Variants in UBR4 observed in about 807,000 individuals in gnomAD.
UBR4 encodes E3 ubiquitin-protein ligase UBR4.
Under a neutral mutation model 575.6 loss-of-function variants are expected in UBR4, and 124 were observed. The ratio of observed to expected loss-of-function variants is 0.22; its 90% CI spans 0.19 to 0.25. UBR4 has a LOEUF of 0.25. UBR4 is among the 10% of genes least tolerant of loss of function. UBR4 has a pLI of 1.00. For synonymous variants in UBR4, 2,455 were observed against 2,473.7 expected, an observed-to-expected ratio of 0.99 and a Z score of 0.22; for missense variants, 4,818 against 6,478.8, an observed-to-expected ratio of 0.74 and a Z score of 8.80.
rs146479411 is a variant in UBR4 at position 19,196,626 on chromosome 1, A to G, written c.1018+515T>C. Among the ~76,000 whole-genome samples, 114 of 152,360 alleles carry G rather than the reference A, an allele frequency of 7.5e-4. 2 individuals carry two copies. The East Asian group carries it at 0.018, about 24-fold the overall frequency. On this transcript the variant is annotated intron_variant, in intron 8 of 105. Coordinates refer to ENST00000375254, the MANE Select transcript of UBR4 (RefSeq NM_020765.3). ...AAGGGGATTTTATGGAAGCTTAAAG[A>G]ATATCATTCTTCGCATTTATCAGTA...
At position 19,076,779 on chromosome 1, in the gene UBR4, T is replaced by C. The variant is rs2075986282; in HGVS notation, c.15448A>G (p.Met5150Val). The change falls in exon 105 of 106, where the codon ATG (methionine) becomes GTG (valine). Residue 5150 changes from methionine (M) to valine (V), a missense_variant. Physicochemically the swap from Met to Val is conservative, Grantham distance 21 (BLOSUM62 1). Coordinates refer to ENST00000375254, the MANE Select transcript of UBR4 (RefSeq NM_020765.3). ...AACTCTGAGAAGGTCTCCACTGGCATGAACTCCTCCTGGAAGGTTTTCAGG... is the reference window on the plus strand; with the variant it reads ...AACTCTGAGAAGGTCTCCACTGGCACGAACTCCTCCTGGAAGGTTTTCAGG... ...KALKTFQEEF[M>V]PVETFSEFLD... 47 of 1,614,132 alleles carry C rather than the reference T, an allele frequency of 2.9e-5. No homozygotes were observed. Among genetic ancestry groups the C allele is most frequent in the Non-Finnish European group, 3.7e-5 (44 of 1,180,018 alleles).
chr1:19,111,030 C>T (rs542023940), intron 78 of UBR4, among the ~76,000 whole-genome samples, 198 bp from the exon 79 acceptor site: 3 of 152,282 alleles, frequency 2.0e-5, no homozygotes, highest in South Asian at 2.1e-4. Flanking sequence ...CCATTACAGC[C>T]GCCTTGCCTA....
intron 91 of UBR4, among the ~76,000 whole-genome samples, chr1:19,096,916 G>C (rs1399697522): frequency 6.6e-6 from 1 of 152,040 alleles, no homozygotes; most frequent in Non-Finnish European, 1.5e-5. Context: ...ATGGAGTGGG[G>C]GGAGAGGGAG....
chr1:19,139,277 C>CAAAA lies in UBR4; in HGVS notation c.8594-61_8594-58dup. On this transcript the variant is annotated intron_variant, in intron 58 of 105. Transcript: ENST00000375254. This position sits in a 1 kb window ranked among gnomAD's most constrained non-coding sequence, Gnocchi z 4.2. ...AAAAACAAACAAACAAACAAACAAACAAAAAACAAAAAAAACCCCTCCTTG... is the reference window on the plus strand; with the variant it reads ...AAAAACAAACAAACAAACAAACAAACAAAAAAAAAACAAAAAAAACCCCTCCTTG... 2.0e-6 allele frequency: 3 copies of CAAAA among 1,520,050 alleles called. No homozygotes were observed. The highest frequency in any genetic ancestry group is 2.1e-5 in the Admixed American group (1 of 47,800). 94.2% of individuals were successfully genotyped at this position (1,520,050 alleles called of 1,614,324 possible).
chr1:19,104,945 T>G, intron 85 of UBR4, 103 bp downstream of exon 85: 2 of 1,499,532 alleles, frequency 1.3e-6, no homozygotes, highest in South Asian at 2.7e-5. Flanking sequence ...AACAAATATT[T>G]CTTCTCAGCA....
chr1:19,166,698 C>CA (rs1276842721), intron 29 of UBR4, among the ~76,000 whole-genome samples: 1 of 107,930 alleles, frequency 9.3e-6, no homozygotes, highest in Non-Finnish European at 1.7e-5. Context: ...CACAACATGG[C>CA]AAACTCCATC....
chr1:19,176,771 C>T (rs1455181377), intron 19 of UBR4, 44 bp from the exon 20 acceptor site: 1 of 1,600,624 alleles, frequency 6.2e-7, no homozygotes, highest in African/African-American at 1.3e-5. Flanking sequence ...TACACAGTCA[C>T]CATTCAGCTT....
At position 19,153,856 on chromosome 1, in the gene UBR4, T is replaced by C; in HGVS notation, c.6542A>G (p.Gln2181Arg). ...TACCAGCGGCACCCCTGTAGTTTGC[T>C]GGACACAGCACACCAAGCCAGGGTG... ...MNHPGLVCCV[Q>R]QTTGVPLVVM... The change falls in exon 45 of 106, where the codon CAG becomes CGG. Residue 2181 changes from glutamine (Q) to arginine (R), a missense_variant. Around this residue, in one of 29 missense-constraint regions of UBR4, gnomAD observed 461 missense variants for 606.9 expected, o/e 0.76. Transcript: ENST00000375254. This position sits in a 1 kb window ranked among gnomAD's most constrained non-coding sequence, Gnocchi z 4.1. 1.2e-6 allele frequency: 2 copies of C among 1,614,210 alleles called. No individual in the cohort carries two copies. The highest frequency in any genetic ancestry group is 1.7e-6 in the Non-Finnish European group (2 of 1,180,010).
chr1:19,201,765 G>C lies in UBR4; in HGVS notation c.227C>G (p.Ser76Cys). Reference sequence around the variant, plus strand: ...ATAGTGTGTGGAAAGTGCAACAAAAGATGAGTAGAATGGCTCGTACTGCTT... The same window carrying C: ...ATAGTGTGTGGAAAGTGCAACAAAACATGAGTAGAATGGCTCGTACTGCTT... ...HEKQYEPFYSSFVALSTHYIT... is the reference protein window; with the variant it reads ...HEKQYEPFYSCFVALSTHYIT... The change falls in exon 2 of 106, where the codon TCT becomes TGT. Residue 76 changes from serine (S) to cysteine (C), a missense_variant. Transcript: ENST00000375254. The C allele has an allele frequency of 6.2e-7, 1 of 1,614,138 alleles. No individual in the cohort carries two copies. The highest frequency in any genetic ancestry group is 8.5e-7 in the Non-Finnish European group (1 of 1,179,992).
chr1:19,084,775 T>G, intron 101 of UBR4, 77 bp from the exon 102 acceptor site: 3 of 1,394,718 alleles, frequency 2.2e-6, no homozygotes, highest in Non-Finnish European at 3.0e-6. Flanking sequence ...AGAGCCTCCT[T>G]CCAGTACTCC....
chr1:19,124,521 A>C lies in UBR4; in HGVS notation c.9588+20T>G. The C allele has an allele frequency of 6.2e-7, 1 of 1,613,432 alleles. No individual in the cohort carries two copies. The highest frequency in any genetic ancestry group is 8.5e-7 in the Non-Finnish European group (1 of 1,179,524). ...TGTGTCCTCAGCCCAACAAGCATGC[A>C]GCTTGGGACTTTCACTTACCTCGGA... is the stretch of plus-strand genomic sequence containing the variant. On this transcript the variant is annotated intron_variant, in intron 65 of 105. Transcript: ENST00000375254.
chr1:19,095,106 C>G, intron 93 of UBR4, 81 bp from the exon 94 acceptor site: 1 of 1,599,132 alleles, frequency 6.3e-7, no homozygotes, highest in Non-Finnish European at 8.5e-7. Context: ...TCAAGGATGC[C>G]CTCACAGCCT....
intron 64 of UBR4, among the ~76,000 whole-genome samples, chr1:19,125,068 A>G (rs1222265910): frequency 6.6e-6 from 1 of 152,234 alleles, no homozygotes; most frequent in Non-Finnish European, 1.5e-5. Flanking sequence ...GATGTATTCT[A>G]TCCCTAGAAC....
In UBR4 at chr1:19,112,524, C is replaced by G; in HGVS notation, c.11801G>C (p.Arg3934Pro). 1 of 1,606,250 alleles carries G rather than the reference C, an allele frequency of 6.2e-7. No homozygotes were observed. The highest frequency in any genetic ancestry group is 8.5e-7 in the Non-Finnish European group (1 of 1,175,840). Residue 3934 changes from arginine to proline, a missense_variant and splice_region_variant, in exon 78 of 106, where the codon CGA (arginine) becomes CCA (proline). Arg to Pro is a moderately radical substitution (Grantham distance 103, BLOSUM62 -2). Around this residue, in one of 29 missense-constraint regions of UBR4, gnomAD observed 333 missense variants for 459.2 expected, o/e 0.73. Transcript: ENST00000375254. ...EVRQLMCLLT[R>P]DNPEATQQMN... The stretch of plus-strand genomic sequence containing the variant: ...CCATAACCATGGTGTAGGTACTGAC[C>G]GAGTTAGGAGGCACATGAGCTGGCG...
rs1225030904 is a variant in UBR4, at chr1:19,144,851, A to G, written c.8002T>C (p.Cys2668Arg). The G allele has an allele frequency of 6.2e-7, 1 of 1,614,198 alleles. No individual in the cohort carries two copies. The highest frequency in any genetic ancestry group is 8.5e-7 in the Non-Finnish European group (1 of 1,180,018). ...TTAATACAATCCAGCTCACAGGTACAGTAGCCATGGATGATGTCCACCAGA... is the reference window on the plus strand; with the variant it reads ...TTAATACAATCCAGCTCACAGGTACGGTAGCCATGGATGATGTCCACCAGA... The part of the protein sequence containing the change: ...NALVDIIHGY[C>R]TCELDCINTA... The change falls in exon 54 of 106, where the codon TGT becomes CGT. Residue 2668 changes from cysteine to arginine, a missense_variant. Transcript: ENST00000375254.
chr1:19,124,101 G>A (rs904106675), intron 65 of UBR4, among the ~76,000 whole-genome samples: 7 of 152,170 alleles, frequency 4.6e-5, no homozygotes, highest in African/African-American at 9.7e-5. Context: ...AGCATCAACC[G>A]CATCACATCC....
chr1:19,195,435 A>C (rs2092394086), intron 8 of UBR4, among the ~76,000 whole-genome samples: 1 of 152,070 alleles, frequency 6.6e-6, no homozygotes, highest in South Asian at 2.1e-4. Context: ...AACAAACCAG[A>C]TTTGGGATCT....
Position 19,100,707 on chromosome 1 carries a change from G to A in UBR4, c.13024-134C>T. 1.2e-6 allele frequency: 1 copy of A among 830,418 alleles called. No individual in the cohort carries two copies. Among genetic ancestry groups the A allele is most frequent in the Non-Finnish European group, 1.9e-6 (1 of 537,288 alleles). The allele number at this position is 830,418 out of a possible 1,614,324, so 51.4% of individuals were successfully genotyped here. On this transcript the variant is annotated intron_variant, in intron 88 of 105. Coordinates refer to ENST00000375254, the MANE Select transcript of UBR4 (RefSeq NM_020765.3). The surrounding 1 kb of genome is among the most constrained non-coding windows in gnomAD (Gnocchi z 4.2). Reference sequence around the variant, plus strand: ...CCCCCCAAACATTTAAAGATACAAAGGACAGGAAACTCAGAGGTACTTCCA... The same window carrying A: ...CCCCCCAAACATTTAAAGATACAAAAGACAGGAAACTCAGAGGTACTTCCA...
At chr1:19,096,954 C>T (rs1042581908) in intron 91 of UBR4, among the ~76,000 whole-genome samples, 24 of 151,096 alleles carry the variant, frequency 1.6e-4, no homozygotes, top group Admixed American at 1.2e-3. Context: ...CTCCAGTTTA[C>T]TGTTCATTGC....
Sources: allele counts gnomAD v4.1 joint callset (sites outside exome capture counted in the v4.1 genomes callset), GRCh38; gene constraint gnomAD v4.1.1; regional missense constraint gnomAD v4.1.1; non-coding constraint Gnocchi (gnomAD v3.1); transcripts MANE v1.5; gene names NCBI Gene and HGNC (gene_info 2026-07-23, HGNC 2026-07-21).